Variants in DLGAP2 observed in about 807,000 individuals in gnomAD.
DLGAP2 encodes the protein DLG associated protein 2, also known as disks large-associated protein 2.
DLGAP2 carries 26 observed loss-of-function variants against 100.3 expected under a neutral mutation model. The observed-to-expected ratio is 0.26, with a 90% CI of 0.19 to 0.36. The LOEUF (loss-of-function observed/expected upper bound fraction) is 0.36. DLGAP2 is among the 10% of genes least tolerant of loss of function. The pLI, the probability that DLGAP2 is intolerant of heterozygous loss-of-function variation, is 1.00. For synonymous variants in DLGAP2, 886 were observed against 630.1 expected (o/e 1.41, Z -6.08); for missense variants, 1,858 against 1,453.2 (o/e 1.28, Z -4.53).
At chr8:1,645,003 A>G (rs997253629) in intron 8 of DLGAP2, among the ~76,000 whole-genome samples, 5 of 152,210 alleles carry the variant, frequency 3.3e-5, no homozygotes, top group Non-Finnish European at 7.3e-5. Context: ...AGCACTTTGG[A>G]AGGGTCACTT....
Position 1,188,464 on chromosome 8 carries a change from G to T in DLGAP2, c.74-70387G>T, listed in dbSNP as rs1241181025. Among the ~76,000 whole-genome samples, 54 of 65,104 alleles carry T rather than the reference G, an allele frequency of 8.3e-4. 5 individuals are homozygous for T. The highest frequency in any genetic ancestry group is 3.6e-3 in the African/African-American group (43 of 12,062). The allele number at this position is 65,104 out of a possible 152,430, so 42.7% of individuals were successfully genotyped here. A position where few individuals can be genotyped will look rare whatever the true frequency, so the allele number is the denominator to read the frequency against. On this transcript the variant is annotated intron_variant, in intron 2 of 14. Transcript: ENST00000637795. ...CGTGACGTTTCCCTCACGGAATCTC[G>T]CACGCCCGGGACTTCCGTGACGTTT...
intron 1 of DLGAP2, among the ~76,000 whole-genome samples, chr8:905,177 T>A (rs572340672): frequency 6.6e-6 from 1 of 152,292 alleles, no homozygotes. Context: ...AAGAGCTACC[T>A]GGCGGGTTCA....
chr8:1,009,299 C>T (rs1309844585), intron 2 of DLGAP2, among the ~76,000 whole-genome samples: 1 of 152,172 alleles, frequency 6.6e-6, no homozygotes, highest in Non-Finnish European at 1.5e-5. Flanking sequence ...TTAGAATGTT[C>T]CCAGTTTCCA....
At chr8:936,551 G>A (rs1455893422) in intron 2 of DLGAP2, among the ~76,000 whole-genome samples, 1 of 152,146 alleles carries the variant, frequency 6.6e-6, no homozygotes, top group East Asian at 1.9e-4. Context: ...TCTTGTGAAG[G>A]AAACACACTT....
Position 1,164,231 on chromosome 8 carries a change from GGACA to G in DLGAP2, c.74-94617_74-94614del, listed in dbSNP as rs771401408. Among the ~76,000 whole-genome samples, 376 of 132,352 alleles carry G rather than the reference GGACA, an allele frequency of 2.8e-3. 2 individuals are homozygous for G. Among genetic ancestry groups the G allele is most frequent in the East Asian group, 4.6e-3 (20 of 4,320 alleles). 86.8% of individuals were successfully genotyped at this position (132,352 alleles called of 152,430 possible). On this transcript the variant is annotated intron_variant, in intron 2 of 14. Transcript: ENST00000637795. ...CAGGGCCCGTCATTTTGGTTTGTGG[GGACA>G]GATTTTTCTGTGAGCCCCCCCAGGG...
At chr8:787,239 G>A (rs1821892203) in intron 1 of DLGAP2, among the ~76,000 whole-genome samples, 1 of 152,056 alleles carries the variant, frequency 6.6e-6, no homozygotes, top group Non-Finnish European at 1.5e-5. Flanking sequence ...AATCGCTCGT[G>A]TTCGAACGTT....
chr8:1,114,827 A>AT, intron 2 of DLGAP2, among the ~76,000 whole-genome samples: 1 of 152,242 alleles, frequency 6.6e-6, no homozygotes, highest in South Asian at 2.1e-4. Flanking sequence ...TTGATGTGGC[A>AT]TTTAGTGCTA....
chr8:1,271,220 G>C (rs1279681115), intron 3 of DLGAP2, among the ~76,000 whole-genome samples: 1 of 152,146 alleles, frequency 6.6e-6, no homozygotes, highest in Non-Finnish European at 1.5e-5. Context: ...GTGCCAAACA[G>C]GCCTTGGTAA....
intron 3 of DLGAP2, among the ~76,000 whole-genome samples, chr8:1,433,342 GGA>G (rs1182242741): frequency 3.9e-5 from 6 of 152,236 alleles, no homozygotes; most frequent in African/African-American, 9.6e-5. Flanking sequence ...TCCAGTCCTA[GGA>G]GTGCATGGCC....
At chr8:1,458,574 AT>A (rs1798384385) in intron 3 of DLGAP2, among the ~76,000 whole-genome samples, 1 of 152,142 alleles carries the variant, frequency 6.6e-6, no homozygotes, top group African/African-American at 2.4e-5. Context: ...AACCCTACAA[AT>A]TTCTGCAAAG....
At chr8:783,814 G>C (rs1003847727) in intron 1 of DLGAP2, among the ~76,000 whole-genome samples, 4 of 152,158 alleles carry the variant, frequency 2.6e-5, no homozygotes, top group African/African-American at 4.8e-5. Context: ...AGAGTTTGGG[G>C]TATCTGTCTC....
chr8:1,691,418 AGTC>A, intron 12 of DLGAP2, 114 bp from the exon 13 acceptor site: 1 of 811,058 alleles, frequency 1.2e-6, no homozygotes, highest in Non-Finnish European at 1.9e-6. Context: ...GGCACGATGA[AGTC>A]GTCAGTTTTC....
chr8:1,465,043 G>T (rs1798585121), intron 3 of DLGAP2, among the ~76,000 whole-genome samples: 1 of 152,214 alleles, frequency 6.6e-6, no homozygotes, highest in Non-Finnish European at 1.5e-5. Flanking sequence ...CACCCAGCAG[G>T]TGACCAGCTC....
rs74848252 is a variant in DLGAP2 at position 1,536,189 on chromosome 8, G to A, written c.173-12437G>A. Among the ~76,000 whole-genome samples, 305 of 152,248 alleles carry A rather than the reference G, an allele frequency of 2.0e-3. 9 individuals are homozygous for A. In the East Asian group the frequency reaches 0.05, roughly 25 times the overall value. The stretch of plus-strand genomic sequence containing the variant: ...TGGAAGAGACAGAAGCCAGGGCACC[G>A]TGGTTCTGGCTGGAACTTGGGCACC... On this transcript the variant is annotated intron_variant, in intron 4 of 14. Coordinates refer to ENST00000637795, the MANE Select transcript of DLGAP2 (RefSeq NM_001346810.2).
At chr8:988,534 G>C (rs775888225) in intron 2 of DLGAP2, among the ~76,000 whole-genome samples, 1 of 152,124 alleles carries the variant, frequency 6.6e-6, no homozygotes, top group African/African-American at 2.4e-5. Flanking sequence ...AAACCCTCCC[G>C]GCTCGGCCTC....
chr8:1,197,889 C>T (rs1179576806), intron 2 of DLGAP2, among the ~76,000 whole-genome samples: 1 of 152,186 alleles, frequency 6.6e-6, no homozygotes, highest in Non-Finnish European at 1.5e-5. Flanking sequence ...GCAGTGTTTC[C>T]TCTCATGGGG....
intron 2 of DLGAP2, among the ~76,000 whole-genome samples, chr8:1,195,847 C>G (rs1424854914): frequency 6.6e-6 from 1 of 152,152 alleles, no homozygotes; most frequent in South Asian, 2.1e-4. Context: ...ATACGTTCTG[C>G]GAAAACGCTT....
intron 3 of DLGAP2, among the ~76,000 whole-genome samples, chr8:1,333,602 C>A (rs1177644474): frequency 6.6e-6 from 1 of 152,178 alleles, no homozygotes; most frequent in Non-Finnish European, 1.5e-5. Flanking sequence ...CCATATCAAG[C>A]CCTCATAATA....
chr8:1,290,170 C>A lies in DLGAP2; in HGVS notation c.106+31287C>A, dbSNP rs181948914. Reference sequence around the variant, plus strand: ...AACGTGTGACATGAGTCATCACAGGCCTCTGTAAGCAGATCTAGTCAGCTA... The same window carrying A: ...AACGTGTGACATGAGTCATCACAGGACTCTGTAAGCAGATCTAGTCAGCTA... On this transcript the variant is annotated intron_variant, in intron 3 of 14. Transcript: ENST00000637795. 2.9e-3 allele frequency among the ~76,000 whole-genome samples: 449 copies of A among 152,250 alleles called. 2 individuals carry two copies. The highest frequency in any genetic ancestry group is 3.2e-3 in the Non-Finnish European group (217 of 68,018).
Sources: gnomAD v4.1 joint callset for allele counts (sites outside exome capture counted in the v4.1 genomes callset) on GRCh38, gnomAD v4.1.1 for gene constraint, MANE v1.5 for transcripts, NCBI Gene and HGNC (gene_info 2026-07-23, HGNC 2026-07-21) for gene names.